Variants in ACSM5 observed in about 807,000 individuals in gnomAD.
ACSM5 encodes acyl-CoA synthetase medium chain family member 5, also known as acyl-coenzyme A synthetase ACSM5, mitochondrial.
In ACSM5, 56 loss-of-function variants were observed where a neutral mutation model predicts 71.6. The observed-to-expected ratio is 0.78, with a 90% confidence interval of 0.63 to 0.98. The LOEUF (loss-of-function observed/expected upper bound fraction) is 0.98. Ranked by LOEUF, ACSM5 falls within the 50% of genes least tolerant of loss-of-function variation. ACSM5 has a pLI of 0.00. For missense variants in ACSM5, 723 were observed against 726.0 expected, an observed-to-expected ratio of 1.00 and a Z score of 0.05; for synonymous variants, 285 against 281.5, an observed-to-expected ratio of 1.01 and a Z score of -0.12.
chr16:20,419,593 C>A, intron 4 of ACSM5, 158 bp downstream of exon 4: 5 of 683,700 alleles, frequency 7.3e-6, no homozygotes, highest in Non-Finnish European at 9.9e-6. Flanking sequence ...CTGGTCCCTA[C>A]CTTAATGTTC....
At chr16:20,430,953 G>A (rs1423257801) in intron 8 of ACSM5, 40 bp from the exon 9 acceptor site, 3 of 1,506,872 alleles carry the variant, frequency 2.0e-6, no homozygotes. Flanking sequence ...AAGAAGCTAA[G>A]TGGAAAGGCT....
In ACSM5 at chr16:20,437,308, G is replaced by T; in HGVS notation, c.1477G>T (p.Glu493Ter). Residue 493 changes from glutamate (E) to a stop codon, truncating the protein, a stop_gained, in exon 12 of 14, where the codon GAG (glutamate) becomes TAG (stop). Coordinates refer to ENST00000331849, the MANE Select transcript of ACSM5 (RefSeq NM_017888.3). LOFTEE classifies it high-confidence loss of function. ...TGTTGAAGTGGAAAGTGCCCTGGCA[G>T]AGCATCCTGCTGTCCTGGAGTCGGC... ...GPVEVESALAEHPAVLESAVV... is the reference protein window; with the variant it reads ...GPVEVESALA 1 of 1,614,140 alleles carries T rather than the reference G, an allele frequency of 6.2e-7. No homozygotes were observed. The highest frequency in any genetic ancestry group is 1.3e-5 in the African/African-American group (1 of 75,028).
Position 20,431,273 on chromosome 16 carries a change from C to G in ACSM5, c.1260C>G (p.Ala420=). 2 of 1,614,112 alleles carry G rather than the reference C, an allele frequency of 1.2e-6. No individual in the cohort carries two copies. The highest frequency in any genetic ancestry group is 3.3e-4 in the Middle Eastern group (2 of 6,062). ...VLPPGEEGNV[A]VRIRPTRPFC... ...CTCCTGGAGAAGAGGGGAATGTTGC[C>G]GTCCGTATCAGACCCACTCGGCCCT... Residue 420 remains alanine, a synonymous_variant, in exon 10 of 14, where the codon GCC becomes GCG. Transcript: ENST00000331849.
In ACSM5 at chr16:20,429,694, C is replaced by T; in HGVS notation, c.1018C>T (p.Leu340=). Residue 340 remains leucine (L), a synonymous_variant, in exon 8 of 14, where the codon CTG becomes TTG. Transcript: ENST00000331849. ...CTGAGAAAGGTACCAGTTTCAGAGC[C>T]TGAGGCACTGTCTGACCGGAGGAGA... ...EDLTRYQFQS[L]RHCLTGGEAL... The T allele has an allele frequency of 6.2e-7, 1 of 1,613,958 alleles. No individual in the cohort carries two copies. Among genetic ancestry groups the T allele is most frequent in the Non-Finnish European group, 8.5e-7 (1 of 1,179,932 alleles).
At chr16:20,434,342 T>A (rs1260832113) in intron 10 of ACSM5, among the ~76,000 whole-genome samples, 1 of 152,176 alleles carries the variant, frequency 6.6e-6, no homozygotes. Context: ...AAAAGCCAAT[T>A]TGTTGAATAA....
chr16:20,411,084 A>T (rs1015219198), intron 1 of ACSM5, among the ~76,000 whole-genome samples: 26 of 152,190 alleles, frequency 1.7e-4, no homozygotes, highest in African/African-American at 6.0e-4. Flanking sequence ...GAACATTGTA[A>T]ATTGCACAGG....
chr16:20,422,252 C>T (rs1409897548), intron 5 of ACSM5, among the ~76,000 whole-genome samples: 6 of 152,120 alleles, frequency 3.9e-5, no homozygotes, highest in Admixed American at 6.6e-5. Context: ...GCTGGGGTTA[C>T]AGGTGCCCGC....
chr16:20,412,470 C>A (rs1329321837), intron 2 of ACSM5, among the ~76,000 whole-genome samples: 1 of 152,170 alleles, frequency 6.6e-6, no homozygotes, highest in East Asian at 1.9e-4. Flanking sequence ...ACCCTGATTT[C>A]TTTGTGTGTC....
At chr16:20,426,088 A>C (rs55981745) in intron 6 of ACSM5, among the ~76,000 whole-genome samples, 31,560 of 152,056 alleles carry the variant, frequency 0.21, 4,216 homozygotes, top group East Asian at 0.32. Flanking sequence ...CCATGCCAAC[A>C]TCTATTATTT....
intron 6 of ACSM5, among the ~76,000 whole-genome samples, chr16:20,426,845 G>T (rs1227225458): frequency 6.6e-6 from 1 of 152,130 alleles, no homozygotes; most frequent in African/African-American, 2.4e-5. Flanking sequence ...AGCGATGGTT[G>T]CACAACACTC....
chr16:20,437,604 A>G (rs1306430297), intron 12 of ACSM5, among the ~76,000 whole-genome samples: 3 of 137,534 alleles, frequency 2.2e-5, no homozygotes. Flanking sequence ...TACATCCCAG[A>G]GAGGCTGGCT....
In ACSM5 at chr16:20,434,969, A is replaced by T. The variant is rs149829764; in HGVS notation, c.1309-2083A>T. On this transcript the variant is annotated intron_variant, in intron 10 of 13. Transcript: ENST00000331849. Reference sequence around the variant, plus strand: ...TTGGAAAATGTTTGCTAGCATTTTGATTAGAATTGTATTGCCTATAAAACA... The same window carrying T: ...TTGGAAAATGTTTGCTAGCATTTTGTTTAGAATTGTATTGCCTATAAAACA... Among the ~76,000 whole-genome samples the T allele has an allele frequency of 7.9e-5, 12 of 152,334 alleles. No individual in the cohort carries two copies. The East Asian group carries it at 2.1e-3, about 27-fold the overall frequency.
At chr16:20,420,232 G>T (rs1159293678) in intron 4 of ACSM5, among the ~76,000 whole-genome samples, 4 of 152,186 alleles carry the variant, frequency 2.6e-5, no homozygotes. Flanking sequence ...TTTGAATACA[G>T]ATGACAAGGC....
chr16:20,422,321 A>G (rs1966895971), intron 5 of ACSM5, among the ~76,000 whole-genome samples: 1 of 152,172 alleles, frequency 6.6e-6, no homozygotes, highest in Non-Finnish European at 1.5e-5. Context: ...CATGTTGGCC[A>G]GGCTGGTCTC....
intron 10 of ACSM5, among the ~76,000 whole-genome samples, chr16:20,432,423 T>A (rs1967116420): frequency 6.6e-6 from 1 of 152,214 alleles, no homozygotes; most frequent in African/African-American, 2.4e-5. Context: ...AATGTTGCAT[T>A]TTAGTGGTTT....
At chr16:20,427,171 G>T (rs1423591888) in intron 6 of ACSM5, among the ~76,000 whole-genome samples, 3 of 151,882 alleles carry the variant, frequency 2.0e-5, no homozygotes, top group Non-Finnish European at 4.4e-5. Context: ...CCTGGTGGTG[G>T]GCACCTGTAA....
Position 20,423,970 on chromosome 16 carries a change from C to T in ACSM5, c.822C>T (p.Gly274=), listed in dbSNP as rs1448032495. The change falls in exon 6 of 14, where the codon GGC becomes GGT. Residue 274 remains glycine, a synonymous_variant. Coordinates refer to ENST00000331849, the MANE Select transcript of ACSM5 (RefSeq NM_017888.3). Reference sequence around the variant, plus strand: ...TCTTCTGGAACACGACTGACACTGGCTGGGTGAAGGCAGCCTGGACTCTCT... The same window carrying T: ...TCTTCTGGAACACGACTGACACTGGTTGGGTGAAGGCAGCCTGGACTCTCT... ...SDIFWNTTDT[G]WVKAAWTLFS... 1 of 1,614,182 alleles carries T rather than the reference C, an allele frequency of 6.2e-7. No homozygotes were observed. The highest frequency in any genetic ancestry group is 1.7e-5 in the Admixed American group (1 of 60,022).
At chr16:20,436,272 C>A (rs1414438762) in intron 10 of ACSM5, among the ~76,000 whole-genome samples, 3 of 147,226 alleles carry the variant, frequency 2.0e-5, no homozygotes, top group African/African-American at 7.5e-5. Flanking sequence ...CGTCCCCTCC[C>A]CTCCCCTTCC....
chr16:20,437,951 C>T (rs1017377277), intron 12 of ACSM5, among the ~76,000 whole-genome samples: 11 of 147,258 alleles, frequency 7.5e-5, no homozygotes, highest in African/African-American at 2.5e-4. Flanking sequence ...GCACCCCCCC[C>T]AGTAGCTGGG....
Sources: gnomAD v4.1 joint callset for allele counts (sites outside exome capture counted in the v4.1 genomes callset) on GRCh38, gnomAD v4.1.1 for gene constraint, MANE v1.5 for transcripts, NCBI Gene and HGNC (gene_info 2026-07-23, HGNC 2026-07-21) for gene names.